Variants in AQP9 observed in about 807,000 individuals in gnomAD.
AQP9 encodes the protein aquaporin-9.
A neutral mutation model predicts 23.8 loss-of-function variants in AQP9; 19 were observed. The observed-to-expected ratio is 0.80, with a 90% CI of 0.56 to 1.17. The LOEUF (loss-of-function observed/expected upper bound fraction) is 1.17, where lower values mean the gene tolerates loss of function less well. Among genes scored for constraint, AQP9 ranks in the 50% most tolerant of loss-of-function variants. The pLI is 0.00. For synonymous variants in AQP9, 153 were observed against 131.5 expected, an observed-to-expected ratio of 1.16 and a Z score of -1.12; for missense variants, 413 against 362.0, an observed-to-expected ratio of 1.14 and a Z score of -1.14.
chr15:58,147,458 TG>T (rs1350476523), intron 1 of AQP9, among the ~76,000 whole-genome samples: 1 of 152,180 alleles, frequency 6.6e-6, no homozygotes, highest in African/African-American at 2.4e-5. Flanking sequence ...ATTTCATGTC[TG>T]GGGCAGGATT....
intron 1 of AQP9, 143 bp from the exon 2 acceptor site, chr15:58,166,530 C>T: frequency 8.8e-7 from 1 of 1,141,698 alleles, no homozygotes. Context: ...CTGTGTATAG[C>T]TGAATCATTA....
In AQP9 at chr15:58,184,303, G is replaced by A; in HGVS notation, c.*168G>A. Reference sequence around the variant, plus strand: ...ATCTGCATAAAAGTTTGGAAACAATGACCACTTCTCTACCATTGTCCCCCA... The same window carrying A: ...ATCTGCATAAAAGTTTGGAAACAATAACCACTTCTCTACCATTGTCCCCCA... On this transcript the variant is annotated 3_prime_UTR_variant, in exon 6 of 6. Coordinates refer to ENST00000219919, the MANE Select transcript of AQP9 (RefSeq NM_020980.5). The A allele has an allele frequency of 2.9e-6, 2 of 678,450 alleles. 1 individual carries two copies. Among genetic ancestry groups the A allele is most frequent in the South Asian group, 4.2e-5 (2 of 47,592 alleles). 42.0% of individuals were successfully genotyped at this position (678,450 alleles called of 1,614,324 possible).
At chr15:58,153,109 A>G (rs1043363335) in intron 1 of AQP9, 39 of 152,250 alleles carry the variant, frequency 2.6e-4, no homozygotes, top group African/African-American at 9.4e-4. Flanking sequence ...CAGCCCTCCA[A>G]ATGGTCCTGT....
At chr15:58,149,037 T>C (rs1458634788) in intron 1 of AQP9, among the ~76,000 whole-genome samples, 3 of 152,220 alleles carry the variant, frequency 2.0e-5, no homozygotes, top group African/African-American at 7.2e-5. Flanking sequence ...GGTTTCAGTC[T>C]TGGTTCTTTG....
chr15:58,143,395 TTAAACTAAATC>T lies in AQP9; in HGVS notation c.111+4734_111+4744del, dbSNP rs779736342. 5.0e-4 allele frequency among the ~76,000 whole-genome samples: 76 copies of T among 152,308 alleles called. No individual in the cohort carries two copies. In the East Asian group the frequency reaches 0.013, roughly 26 times the overall value. On this transcript the variant is annotated intron_variant, in intron 1 of 5. Transcript: ENST00000219919. ...CTCTATACCCCAGACACTTTGATCC[TTAAACTAAATC>T]TAAACTAAATCTAATGAGGTAAAGA...
At chr15:58,166,597 A>G (rs550958463) in intron 1 of AQP9, 76 bp from the exon 2 acceptor site, 42 of 1,512,658 alleles carry the variant, frequency 2.8e-5, no homozygotes, top group Non-Finnish European at 3.5e-5. Flanking sequence ...CTTTAAAAAT[A>G]CTTGCTACTG....
chr15:58,158,900 C>T lies in AQP9; in HGVS notation c.112-7773C>T, dbSNP rs541887340. On this transcript the variant is annotated intron_variant, in intron 1 of 5. Coordinates refer to ENST00000219919, the MANE Select transcript of AQP9 (RefSeq NM_020980.5). Reference sequence around the variant, plus strand: ...TCACAAACACTTCACTACGGAATTCCTAAACTTCATTAACTACTGCTTTTC... The same window carrying T: ...TCACAAACACTTCACTACGGAATTCTTAAACTTCATTAACTACTGCTTTTC... Among the ~76,000 whole-genome samples, 4 of 152,290 alleles carry T rather than the reference C, an allele frequency of 2.6e-5. No homozygotes were observed. In the East Asian group the frequency reaches 7.7e-4, roughly 29 times the overall value.
intron 1 of AQP9, chr15:58,146,957 T>A (rs1898057041): frequency 6.6e-6 from 1 of 152,174 alleles, no homozygotes; most frequent in African/African-American, 2.4e-5. Context: ...AGACTTTGAG[T>A]CACTAGCAGC....
At chr15:58,175,222 A>C (rs1566989970) in intron 4 of AQP9, among the ~76,000 whole-genome samples, 186 bp downstream of exon 4, 1 of 152,232 alleles carries the variant, frequency 6.6e-6, no homozygotes, top group Non-Finnish European at 1.5e-5. Context: ...ACCACCAGAA[A>C]AGTTTTCTCC....
At chr15:58,139,628 AG>A (rs1303280208) in intron 1 of AQP9, among the ~76,000 whole-genome samples, 1 of 152,230 alleles carries the variant, frequency 6.6e-6, no homozygotes, top group African/African-American at 2.4e-5. Context: ...GTGCATTAAA[AG>A]TTCTTTGCTT....
intron 1 of AQP9, among the ~76,000 whole-genome samples, chr15:58,163,576 T>C (rs1331985384): frequency 6.6e-6 from 1 of 152,060 alleles, no homozygotes; most frequent in Non-Finnish European, 1.5e-5. Flanking sequence ...GGGAGAAATA[T>C]TAGGTTTGTT....
intron 1 of AQP9, among the ~76,000 whole-genome samples, chr15:58,165,660 T>C (rs1205937896): frequency 1.3e-5 from 2 of 149,466 alleles, no homozygotes; most frequent in African/African-American, 5.1e-5. Flanking sequence ...ATTCTATTTT[T>C]TTGTTTGTTT....
intron 1 of AQP9, among the ~76,000 whole-genome samples, chr15:58,160,344 T>C (rs889237399): frequency 1.3e-5 from 2 of 152,146 alleles, no homozygotes; most frequent in Non-Finnish European, 2.9e-5. Context: ...ATCAGATTAT[T>C]TGGATTTTGT....
chr15:58,158,978 G>A (rs996321502), intron 1 of AQP9, among the ~76,000 whole-genome samples: 1 of 152,120 alleles, frequency 6.6e-6, no homozygotes, highest in Non-Finnish European at 1.5e-5. Flanking sequence ...TTGAGTGTCT[G>A]TTATGCACCA....
chr15:58,168,175 C>T (rs1454592799), intron 2 of AQP9, among the ~76,000 whole-genome samples: 3 of 151,824 alleles, frequency 2.0e-5, no homozygotes, highest in Non-Finnish European at 4.4e-5. Context: ...ACTACAGGTA[C>T]GAGCCACCAC....
At chr15:58,183,209 T>C (rs996646783) in intron 5 of AQP9, among the ~76,000 whole-genome samples, 1 of 152,256 alleles carries the variant, frequency 6.6e-6, no homozygotes, top group African/African-American at 2.4e-5. Flanking sequence ...TAAATGTATA[T>C]ATCCTTAAAC....
intron 5 of AQP9, among the ~76,000 whole-genome samples, chr15:58,182,758 G>T (rs1485401349): frequency 6.6e-6 from 1 of 152,158 alleles, no homozygotes; most frequent in East Asian, 1.9e-4. Flanking sequence ...CCATGCTCAG[G>T]CTCAGTGCTC....
chr15:58,164,348 A>T (rs1898452296), intron 1 of AQP9, among the ~76,000 whole-genome samples: 1 of 152,190 alleles, frequency 6.6e-6, no homozygotes, highest in African/African-American at 2.4e-5. Flanking sequence ...GTCTCTTCTT[A>T]GCCCTGGTTG....
chr15:58,150,462 T>C (rs891484764), intron 1 of AQP9: 13 of 152,646 alleles, frequency 8.5e-5, no homozygotes, highest in African/African-American at 3.1e-4. Flanking sequence ...AAATTTCACT[T>C]TACATCTAAC....
Sources: allele counts gnomAD v4.1 joint callset (sites outside exome capture counted in the v4.1 genomes callset), GRCh38; gene constraint gnomAD v4.1.1; transcripts MANE v1.5; gene names NCBI Gene and HGNC (gene_info 2026-07-23, HGNC 2026-07-21).